Variants in ILF2 observed in about 807,000 individuals in gnomAD.
ILF2 encodes the protein interleukin enhancer-binding factor 2.
In ILF2, 9 loss-of-function variants were observed where a neutral mutation model predicts 55.3. The observed-to-expected ratio is 0.16, with a 90% CI of 0.10 to 0.28. The LOEUF (loss-of-function observed/expected upper bound fraction) is 0.28, where lower values mean the gene tolerates loss of function less well. ILF2 is among the 10% of genes least tolerant of loss of function. The pLI, the probability that ILF2 is intolerant of heterozygous loss-of-function variation, is 1.00. For missense variants in ILF2, 266 were observed against 474.9 expected, an observed-to-expected ratio of 0.56 and a Z score of 4.09; for synonymous variants, 151 against 161.8, an observed-to-expected ratio of 0.93 and a Z score of 0.50.
chr1:153,665,450 T>C (rs1325082139), intron 7 of ILF2, 114 bp from the exon 8 acceptor site: 1 of 802,892 alleles, frequency 1.2e-6, no homozygotes, highest in Middle Eastern at 2.3e-4. Flanking sequence ...AAGTCCAGAA[T>C]GAGAATTTAG....
chr1:153,662,292 A>G lies in ILF2; in HGVS notation c.*104T>C, dbSNP rs1669189435. ...TATGGAGTTTACTTTTCTTCCTGCT[A>G]TCTTCCCTATCCCACGGAAATGTCT... On this transcript the variant is annotated 3_prime_UTR_variant, in exon 14 of 14. Transcript: ENST00000361891. The G allele has an allele frequency of 2.1e-6, 3 of 1,423,942 alleles. No homozygotes were observed. Among genetic ancestry groups the G allele is most frequent in the Non-Finnish European group, 1.9e-6 (2 of 1,043,330 alleles). The allele number at this position is 1,423,942 out of a possible 1,614,324, so 88.2% of individuals were successfully genotyped here. A position where few individuals can be genotyped will look rare whatever the true frequency, so the allele number is the denominator to read the frequency against.
chr1:153,665,385 GA>G, intron 7 of ILF2, 49 bp from the exon 8 acceptor site: 1 of 1,258,990 alleles, frequency 7.9e-7, no homozygotes, highest in Non-Finnish European at 1.2e-6. Context: ...TCCATTAGAT[GA>G]TCAAAGTTAA....
chr1:153,669,881 A>G lies in ILF2; in HGVS notation c.66-3T>C, dbSNP rs375405198. The G allele has an allele frequency of 1.6e-5, 25 of 1,610,218 alleles. No homozygotes were observed. In the Admixed American group the frequency reaches 3.7e-4, roughly 24 times the overall value. On this transcript the variant is annotated splice_polypyrimidine_tract_variant and splice_region_variant and intron_variant, in intron 2 of 13. Coordinates refer to ENST00000361891, the MANE Select transcript of ILF2 (RefSeq NM_004515.4). ...TATGTGGTACAAAGGGCCTGAACCT[A>G]AAACATGAAAAACAGCCAAATTATT... is the stretch of plus-strand genomic sequence containing the variant.
In ILF2 at chr1:153,664,067, G is replaced by A. The variant is rs1669247239; in HGVS notation, c.720C>T (p.Leu240=). 6.2e-7 allele frequency: 1 copy of A among 1,613,196 alleles called. No individual in the cohort carries two copies. Among genetic ancestry groups the A allele is most frequent in the African/African-American group, 1.3e-5 (1 of 74,870 alleles). ...LRIRFPGFEP[L]TPWILDLLGH... ...CTAGTAGGTCAAGGATCCAGGGTGT[G>A]AGGGGCTCAAAGCCAGGAAAACGAA... The change falls in exon 10 of 14, where the codon CTC becomes CTT. Residue 240 remains leucine (L), a synonymous_variant. Coordinates refer to ENST00000361891, the MANE Select transcript of ILF2 (RefSeq NM_004515.4).
chr1:153,666,605 G>C (rs1255109771), intron 6 of ILF2, among the ~76,000 whole-genome samples: 1 of 152,124 alleles, frequency 6.6e-6, no homozygotes, highest in East Asian at 1.9e-4. Flanking sequence ...TCTTGCCTCA[G>C]CCTCCCAAAG....
Position 153,667,619 on chromosome 1 carries a change from C to A in ILF2, c.330G>T (p.Lys110Asn). Residue 110 changes from lysine (K) to asparagine (N), a missense_variant, in exon 6 of 14, where the codon AAG (lysine) becomes AAT (asparagine). Physicochemically the swap from Lys to Asn is moderately conservative, Grantham distance 94. Transcript: ENST00000361891. ...EEVRQVGSYKKGTMTTGHNVA... is the reference protein window; with the variant it reads ...EEVRQVGSYKNGTMTTGHNVA... Reference sequence around the variant, plus strand: ...CATTGTGTCCTGTAGTCATTGTCCCCTTTTTATAGGATCCCACCTGTCGAA... The same window carrying A: ...CATTGTGTCCTGTAGTCATTGTCCCATTTTTATAGGATCCCACCTGTCGAA... 1 of 1,612,724 alleles carries A rather than the reference C, an allele frequency of 6.2e-7. No homozygotes were observed. The highest frequency in any genetic ancestry group is 8.5e-7 in the Non-Finnish European group (1 of 1,179,196).
chr1:153,665,204 A>C lies in ILF2; in HGVS notation c.577+16T>G, dbSNP rs1284325820. Reference sequence around the variant, plus strand: ...TATCCCCTAAATTTTCCAGCAATGGAAAAAAAAGAACTAACAATGGAGTTC... The same window carrying C: ...TATCCCCTAAATTTTCCAGCAATGGCAAAAAAAGAACTAACAATGGAGTTC... On this transcript the variant is annotated intron_variant, in intron 8 of 13. Coordinates refer to ENST00000361891, the MANE Select transcript of ILF2 (RefSeq NM_004515.4). 1 of 1,433,182 alleles carries C rather than the reference A, an allele frequency of 7.0e-7. No individual in the cohort carries two copies. The highest frequency in any genetic ancestry group is 9.8e-7 in the Non-Finnish European group (1 of 1,018,344). The allele number at this position is 1,433,182 out of a possible 1,614,324, so 88.8% of individuals were successfully genotyped here.
chr1:153,668,526 G>A lies in ILF2; in HGVS notation c.140C>T (p.Ala47Val). 6.2e-7 allele frequency: 1 copy of A among 1,614,004 alleles called. No individual in the cohort carries two copies. Residue 47 changes from alanine to valine, a missense_variant, in exon 4 of 14, where the codon GCA becomes GTA. Coordinates refer to ENST00000361891, the MANE Select transcript of ILF2 (RefSeq NM_004515.4). ...CTCACTGAAGGAAGTTTCATCAGGT[G>A]CTGGCTTGACCCGGGGAAAGGCCAT... Reference protein sequence around the residue: ...CEMAFPRVKPAPDETSFSEAL... With the variant: ...CEMAFPRVKPVPDETSFSEAL...
Position 153,670,209 on chromosome 1 carries a change from A to T in ILF2, c.27T>A (p.Arg9=). The change falls in exon 2 of 14, where the codon CGT becomes CGA. Residue 9 remains arginine, a synonymous_variant. Coordinates refer to ENST00000361891, the MANE Select transcript of ILF2 (RefSeq NM_004515.4). MRGDRGRG[R]GGRFGSRGGP... The stretch of plus-strand genomic sequence containing the variant: ...CTCCTCTGGAACCAAAGCGCCCACC[A>T]CGACCACGGCCTCTGTCACCCCTAG... The T allele has an allele frequency of 1.2e-6, 2 of 1,614,002 alleles. No individual in the cohort carries two copies. The highest frequency in any genetic ancestry group is 2.2e-5 in the South Asian group (2 of 91,064).
At chr1:153,667,227 C>T (rs1227289066) in intron 6 of ILF2, 71 of 434,336 alleles carry the variant, frequency 1.6e-4, no homozygotes, top group Admixed American at 1.6e-4. Context: ...CCTGTAATCC[C>T]AGCACTTTGG....
At chr1:153,669,739 C>T (rs991282553) in intron 3 of ILF2, 97 bp downstream of exon 3, 8 of 1,019,846 alleles carry the variant, frequency 7.8e-6, no homozygotes, top group Middle Eastern at 2.0e-4. Flanking sequence ...ACTGTGTCTG[C>T]CCTCTTCAAC....
chr1:153,670,786 A>G (rs778881093), intron 1 of ILF2, 132 bp downstream of exon 1: 8 of 1,069,810 alleles, frequency 7.5e-6, no homozygotes, highest in Non-Finnish European at 1.2e-5. Flanking sequence ...ACTATCCTAG[A>G]CCAGGAGTTC....
chr1:153,667,535 C>T lies in ILF2; in HGVS notation c.394+20G>A. 6.6e-7 allele frequency: 1 copy of T among 1,507,734 alleles called. No homozygotes were observed. The highest frequency in any genetic ancestry group is 9.2e-7 in the Non-Finnish European group (1 of 1,082,752). 93.4% of individuals were successfully genotyped at this position (1,507,734 alleles called of 1,614,324 possible). A position where few individuals can be genotyped will look rare whatever the true frequency, so the allele number is the denominator to read the frequency against. On this transcript the variant is annotated intron_variant, in intron 6 of 13. Coordinates refer to ENST00000361891, the MANE Select transcript of ILF2 (RefSeq NM_004515.4). The stretch of plus-strand genomic sequence containing the variant: ...CAAGTGCTATGTTCTGTTCCCATGA[C>T]CAGAAACAGGCACACTCACACGTTG...
At chr1:153,669,709 T>G in intron 3 of ILF2, 127 bp downstream of exon 3, 1 of 797,822 alleles carries the variant, frequency 1.3e-6, no homozygotes, top group Non-Finnish European at 2.2e-6. Flanking sequence ...CCCAAAGTGC[T>G]GAGATTACAG....
chr1:153,662,832 C>T, intron 12 of ILF2, 37 bp from the exon 13 acceptor site: 7 of 1,554,716 alleles, frequency 4.5e-6, no homozygotes, highest in Non-Finnish European at 6.2e-6. Flanking sequence ...CAAGGAAAAT[C>T]AAAGGACCTT....
chr1:153,669,492 CTT>C (rs949673578), intron 3 of ILF2, among the ~76,000 whole-genome samples: 1 of 147,160 alleles, frequency 6.8e-6, no homozygotes, highest in African/African-American at 2.5e-5. Context: ...TTTCAACCAT[CTT>C]TTTTTTTTTG....
At chr1:153,665,169 A>ATG in intron 8 of ILF2, 51 bp downstream of exon 8, 1 of 1,020,102 alleles carries the variant, frequency 9.8e-7, no homozygotes. Context: ...CAACAATACC[A>ATG]TGTTTTGAAT....
At chr1:153,663,807 CA>C (rs1181353516) in intron 10 of ILF2, among the ~76,000 whole-genome samples, 3,212 of 80,290 alleles carry the variant, frequency 0.04, 90 homozygotes, top group African/African-American at 0.12. Flanking sequence ...ATTGAATATA[CA>C]AAAAAAAAAA....
intron 3 of ILF2, 86 bp downstream of exon 3, chr1:153,669,750 C>G: frequency 8.7e-7 from 1 of 1,153,534 alleles, no homozygotes; most frequent in African/African-American, 1.5e-5. Flanking sequence ...CCTCTTCAAC[C>G]ACCATCTAAC....
Sources: allele counts gnomAD v4.1 joint callset (sites outside exome capture counted in the v4.1 genomes callset), GRCh38; gene constraint gnomAD v4.1.1; transcripts MANE v1.5; gene names NCBI Gene and HGNC (gene_info 2026-07-23, HGNC 2026-07-21).